OPHN1: variants seen among roughly 807,000 people sequenced by gnomAD.
OPHN1 encodes the protein oligophrenin-1.
A neutral mutation model predicts 60.7 loss-of-function variants in OPHN1; 11 were observed. That is an observed-to-expected ratio of 0.18 (90% CI 0.11 to 0.30). The LOEUF (loss-of-function observed/expected upper bound fraction) is 0.30. Among genes scored for constraint, OPHN1 ranks in the 10% least tolerant of loss-of-function variants. OPHN1 has a pLI of 1.00. For synonymous variants in OPHN1, 226 were observed against 222.6 expected, an observed-to-expected ratio of 1.02 and a Z score of -0.14; for missense variants, 449 against 611.0, an observed-to-expected ratio of 0.73 and a Z score of 2.80.
At chrX:68,378,249 A>G (rs1229198433) in intron 2 of OPHN1, among the ~76,000 whole-genome samples, 1 of 111,997 alleles carries the variant, frequency 8.9e-6, no homozygotes, top group Admixed American at 9.5e-5. Flanking sequence ...GTGTCTGTTC[A>G]TATCCTTCAC....
intron 22 of OPHN1, among the ~76,000 whole-genome samples, chrX:68,052,797 C>T (rs1360499669): frequency 1.8e-5 from 2 of 112,345 alleles, no homozygotes; most frequent in Non-Finnish European, 3.8e-5. Flanking sequence ...TCTTTATCCC[C>T]ATTGCTTCAG....
intron 22 of OPHN1, among the ~76,000 whole-genome samples, chrX:68,053,108 G>C (rs765713004): frequency 2.0e-3 from 227 of 111,757 alleles, no homozygotes; most frequent in Non-Finnish European, 3.6e-3. Context: ...CACCCTAGCT[G>C]CTCCTTCCTT....
chrX:68,104,237 G>A (rs1336304658), intron 18 of OPHN1, among the ~76,000 whole-genome samples: 1 of 111,645 alleles, frequency 9.0e-6, no homozygotes, highest in Non-Finnish European at 1.9e-5. Context: ...TGGCCTTACT[G>A]CCCAAAGTAA....
At chrX:68,349,968 T>C (rs111330072) in intron 2 of OPHN1, among the ~76,000 whole-genome samples, 1,491 of 110,571 alleles carry the variant, frequency 0.013, 31 homozygotes, top group African/African-American at 0.047. Context: ...AGGTGACGGG[T>C]TGAGGAGTGC....
At chrX:68,282,671 T>C (rs1174689780) in intron 4 of OPHN1, among the ~76,000 whole-genome samples, 2 of 111,923 alleles carry the variant, frequency 1.8e-5, no homozygotes, top group Admixed American at 9.5e-5. Context: ...ATGAGTTCTA[T>C]CTTTATTTTC....
intron 15 of OPHN1, among the ~76,000 whole-genome samples, chrX:68,180,038 C>T (rs1243097458): frequency 3.6e-5 from 4 of 111,426 alleles, no homozygotes; most frequent in Non-Finnish European, 7.5e-5. Context: ...ATATTCAAGC[C>T]ATAACACCCA....
chrX:68,237,804 A>G (rs1041437696), intron 5 of OPHN1, among the ~76,000 whole-genome samples: 1 of 111,726 alleles, frequency 9.0e-6, no homozygotes, highest in Non-Finnish European at 1.9e-5. Context: ...GATTTTCTAT[A>G]TACAACATGA....
intron 19 of OPHN1, among the ~76,000 whole-genome samples, chrX:68,084,088 T>C (rs1278419428): frequency 5.4e-5 from 6 of 110,489 alleles, no homozygotes; most frequent in African/African-American, 2.0e-4. Context: ...ATGGCTCTGA[T>C]AGACTTGCTT....
intron 15 of OPHN1, among the ~76,000 whole-genome samples, chrX:68,153,846 G>A (rs930537356): frequency 9.0e-6 from 1 of 111,582 alleles, no homozygotes; most frequent in African/African-American, 3.3e-5. Context: ...ACAGGTCTTG[G>A]GGATTTATGA....
intron 6 of OPHN1, among the ~76,000 whole-genome samples, chrX:68,224,648 T>C (rs892711073): frequency 4.4e-5 from 5 of 112,448 alleles, no homozygotes; most frequent in Non-Finnish European, 9.4e-5. Flanking sequence ...AGATCTCTTA[T>C]TAATAATGTA....
At chrX:68,268,379 A>C (rs2077945192) in intron 5 of OPHN1, among the ~76,000 whole-genome samples, 1 of 111,790 alleles carries the variant, frequency 8.9e-6, no homozygotes, top group African/African-American at 3.3e-5. Flanking sequence ...GCACATCAAA[A>C]AGCTTATCTA....
chrX:68,098,429 C>T (rs1185999227), intron 18 of OPHN1, among the ~76,000 whole-genome samples: 1 of 111,117 alleles, frequency 9.0e-6, no homozygotes, highest in Non-Finnish European at 1.9e-5. Context: ...TAGGAACAGC[C>T]CAACTGACTA....
chrX:68,407,204 C>A (rs2078747627), intron 2 of OPHN1, among the ~76,000 whole-genome samples: 1 of 111,842 alleles, frequency 8.9e-6, no homozygotes, highest in South Asian at 3.7e-4. Context: ...AACTTCGTCT[C>A]AAAATAAATA....
intron 2 of OPHN1, among the ~76,000 whole-genome samples, chrX:68,370,011 A>AACATATATATATATAT (rs2078519052): frequency 1.6e-5 from 1 of 64,385 alleles, no homozygotes; most frequent in African/African-American, 7.8e-5. Context: ...AAATTGCTGA[A>AACATATATATATATAT]ATATATATAT....
intron 19 of OPHN1, among the ~76,000 whole-genome samples, chrX:68,089,281 C>A (rs1479049645): frequency 9.0e-6 from 1 of 111,486 alleles, no homozygotes; most frequent in Non-Finnish European, 1.9e-5. Context: ...ATATATGATA[C>A]AAGAAAATCG....
chrX:68,312,006 A>C (rs1312670446), intron 2 of OPHN1, among the ~76,000 whole-genome samples: 1 of 111,559 alleles, frequency 9.0e-6, no homozygotes, highest in Non-Finnish European at 1.9e-5. Context: ...GCTTAAAGTC[A>C]TGCAAAATAT....
intron 15 of OPHN1, among the ~76,000 whole-genome samples, chrX:68,157,142 C>T (rs1354496764): frequency 9.0e-6 from 1 of 111,676 alleles, no homozygotes; most frequent in Admixed American, 9.5e-5. Context: ...AAATATATTT[C>T]CTCAGTTGCA....
Position 68,052,581 on chromosome X carries a change from G to A in OPHN1, c.2334C>T (p.Ser778=). 1 of 1,207,545 alleles carries A rather than the reference G, an allele frequency of 8.3e-7. No homozygotes were observed. Among genetic ancestry groups the A allele is most frequent in the African/African-American group, 1.7e-5 (1 of 57,764 alleles). The stretch of plus-strand genomic sequence containing the variant: ...AAGCTGTTTCAAAAAACCTGGTCCT[G>A]GAAGCCACCCTGCAAACAGAAGCCA... The part of the protein sequence containing the change: ...AGEITSSVVA[S]RTRFFETASR... Residue 778 remains serine, a synonymous_variant, in exon 23 of 25, where the codon TCC becomes TCT. Coordinates refer to ENST00000355520, the MANE Select transcript of OPHN1 (RefSeq NM_002547.3).
At position 68,226,826 on chromosome X, in the gene OPHN1, C is replaced by T. The variant is rs748829811; in HGVS notation, c.486+7661G>A. Reference sequence around the variant, plus strand: ...GCTAGGAAGAAACTGCATCAACTAACGAGCAAAATAACCAGCGAACATCAT... The same window carrying T: ...GCTAGGAAGAAACTGCATCAACTAATGAGCAAAATAACCAGCGAACATCAT... On this transcript the variant is annotated intron_variant, in intron 6 of 24. Transcript: ENST00000355520. Among the ~76,000 whole-genome samples, 134 of 111,600 alleles carry T rather than the reference C, an allele frequency of 1.2e-3. 1 individual carries two copies. The highest frequency in any genetic ancestry group is 4.0e-3 in the African/African-American group (124 of 30,775).
Sources: gnomAD v4.1 joint callset for allele counts (sites outside exome capture counted in the v4.1 genomes callset) on GRCh38, gnomAD v4.1.1 for gene constraint, MANE v1.5 for transcripts, NCBI Gene and HGNC (gene_info 2026-07-23, HGNC 2026-07-21) for gene names.